Variants in DGKB observed in about 807,000 individuals in gnomAD.
DGKB encodes diacylglycerol kinase beta, also known as 90 kDa diacylglycerol kinase.
Under a neutral mutation model 114.3 loss-of-function variants are expected in DGKB, and 67 were observed. That is an observed-to-expected ratio of 0.59 (90% CI 0.48 to 0.72). The LOEUF is 0.72. Ranked by LOEUF, DGKB falls within the 30% of genes least tolerant of loss-of-function variation. The probability of loss-of-function intolerance (pLI) is 0.00; values close to 1 mark genes in which losing one functional copy is unlikely to be tolerated. For synonymous variants in DGKB, 398 were observed against 323.1 expected (o/e 1.23, Z -2.49); for missense variants, 907 against 975.2 (o/e 0.93, Z 0.93).
chr7:14,780,979 T>C (rs1289090023), intron 2 of DGKB, among the ~76,000 whole-genome samples: 1 of 152,190 alleles, frequency 6.6e-6, no homozygotes, highest in African/African-American at 2.4e-5. Context: ...TCAGATTCAT[T>C]TGTGTCACTT....
At chr7:14,919,722 T>G (rs1038553929) in intron 1 of DGKB, among the ~76,000 whole-genome samples, 7 of 152,164 alleles carry the variant, frequency 4.6e-5, no homozygotes, top group African/African-American at 1.7e-4. Context: ...AGGTGGGGCA[T>G]AGTGGAAAGT....
In DGKB at chr7:14,285,160, A is replaced by G. The variant is rs553228586; in HGVS notation, c.2122+53355T>C. On this transcript the variant is annotated intron_variant, in intron 23 of 25. Coordinates refer to ENST00000402815, the MANE Select transcript of DGKB (RefSeq NM_001350709.2). Reference sequence around the variant, plus strand: ...ATCAAAAATAACATGATTTACTCCTATTTCCTAATATATGCATCTCATTGA... The same window carrying G: ...ATCAAAAATAACATGATTTACTCCTGTTTCCTAATATATGCATCTCATTGA... Among the ~76,000 whole-genome samples the G allele has an allele frequency of 8.5e-5, 13 of 152,268 alleles. No individual in the cohort carries two copies. In the East Asian group the frequency reaches 1.5e-3, roughly 18 times the overall value.
At chr7:14,198,368 A>G (rs918491972) in intron 23 of DGKB, among the ~76,000 whole-genome samples, 23 of 152,008 alleles carry the variant, frequency 1.5e-4, no homozygotes, top group Non-Finnish European at 3.2e-4. Flanking sequence ...AGCTTTGTTG[A>G]GGCTGGCAGA....
At position 14,705,668 on chromosome 7, in the gene DGKB, C is replaced by G. The variant is rs539651666; in HGVS notation, c.467-3938G>C. 6.6e-4 allele frequency among the ~76,000 whole-genome samples: 100 copies of G among 150,504 alleles called. 1 individual carries two copies. Among genetic ancestry groups the G allele is most frequent in the African/African-American group, 2.3e-3 (93 of 41,080 alleles). On this transcript the variant is annotated intron_variant, in intron 6 of 25. Transcript: ENST00000402815. ...AGAGTGGGGGCCAATATTCAACATT[C>G]TTAAAGAAAAGAATTTTCAACCCAG...
At chr7:14,604,853 T>C (rs989661996) in intron 17 of DGKB, among the ~76,000 whole-genome samples, 1 of 152,148 alleles carries the variant, frequency 6.6e-6, no homozygotes, top group East Asian at 1.9e-4. Flanking sequence ...GCCTTTAGGA[T>C]AAACAAAGAC....
intron 1 of DGKB, among the ~76,000 whole-genome samples, chr7:14,926,325 C>T (rs772099722): frequency 3.9e-5 from 6 of 151,910 alleles, no homozygotes; most frequent in Non-Finnish European, 8.8e-5. Context: ...TTTCTTTTCT[C>T]ATTTAATTTG....
At chr7:14,249,746 G>A (rs959733261) in intron 23 of DGKB, among the ~76,000 whole-genome samples, 2 of 151,734 alleles carry the variant, frequency 1.3e-5, no homozygotes, top group African/African-American at 4.9e-5. Context: ...CTAATTAAAG[G>A]TTTGTAATTT....
At chr7:14,573,696 G>A (rs560338694) in intron 20 of DGKB, among the ~76,000 whole-genome samples, 3 of 152,082 alleles carry the variant, frequency 2.0e-5, no homozygotes, top group Non-Finnish European at 4.4e-5. Context: ...TTTACTCTGT[G>A]TAAGATTCTA....
At chr7:14,714,178 GA>G (rs1316072885) in intron 6 of DGKB, among the ~76,000 whole-genome samples, 1 of 151,854 alleles carries the variant, frequency 6.6e-6, no homozygotes, top group Non-Finnish European at 1.5e-5. Context: ...GAAGATTCAT[GA>G]TGCAGGGTAA....
At chr7:14,769,135 GAA>G (rs1836961735) in intron 2 of DGKB, among the ~76,000 whole-genome samples, 10 of 131,914 alleles carry the variant, frequency 7.6e-5, no homozygotes, top group Middle Eastern at 4.2e-3. Flanking sequence ...GAGAGAGAGA[GAA>G]AGAAAGAAAG....
intron 20 of DGKB, among the ~76,000 whole-genome samples, chr7:14,532,613 T>G (rs12667383): frequency 6.6e-6 from 1 of 151,388 alleles, no homozygotes; most frequent in Non-Finnish European, 1.5e-5. Context: ...TATATACATA[T>G]AGCAATAAAT....
intron 25 of DGKB, among the ~76,000 whole-genome samples, chr7:14,152,724 A>G (rs1219984843): frequency 6.6e-6 from 1 of 152,160 alleles, no homozygotes; most frequent in East Asian, 1.9e-4. Flanking sequence ...GAAACCAGTA[A>G]CAGAATCAAA....
At chr7:14,154,918 T>A (rs945399599) in intron 25 of DGKB, among the ~76,000 whole-genome samples, 3 of 151,354 alleles carry the variant, frequency 2.0e-5, no homozygotes, top group African/African-American at 4.8e-5. Flanking sequence ...TAAAAATCCC[T>A]CTGCAGGTGA....
At chr7:14,862,139 C>T (rs1384704279) in intron 1 of DGKB, among the ~76,000 whole-genome samples, 1 of 151,894 alleles carries the variant, frequency 6.6e-6, no homozygotes, top group African/African-American at 2.4e-5. Flanking sequence ...TCTTTCCCCC[C>T]CAGCTTCACC....
intron 25 of DGKB, among the ~76,000 whole-genome samples, chr7:14,152,930 A>C (rs371802640): frequency 6.6e-6 from 1 of 151,994 alleles, no homozygotes; most frequent in East Asian, 1.9e-4. Flanking sequence ...GGTGCCCCCT[A>C]TTTCATCCAC....
At chr7:14,792,091 C>T (rs1200826440) in intron 2 of DGKB, among the ~76,000 whole-genome samples, 2 of 151,946 alleles carry the variant, frequency 1.3e-5, no homozygotes, top group South Asian at 2.1e-4. Context: ...CCATGTGTGC[C>T]TAGGGATTTC....
At chr7:14,428,674 T>A (rs1053784521) in intron 21 of DGKB, among the ~76,000 whole-genome samples, 2 of 151,990 alleles carry the variant, frequency 1.3e-5, no homozygotes, top group African/African-American at 4.8e-5. Context: ...GTATCAGAGG[T>A]TTCCTCTAAT....
chr7:14,937,051 C>G (rs1048783778), intron 1 of DGKB, among the ~76,000 whole-genome samples: 1 of 148,452 alleles, frequency 6.7e-6, no homozygotes. Context: ...CACACACACA[C>G]ACACACACAC....
chr7:14,360,141 G>T (rs1389655235), intron 21 of DGKB, among the ~76,000 whole-genome samples: 1 of 152,010 alleles, frequency 6.6e-6, no homozygotes, highest in Non-Finnish European at 1.5e-5. Context: ...CCATAAAAAA[G>T]GATGAGTTCA....
Sources: gnomAD v4.1 joint callset for allele counts (sites outside exome capture counted in the v4.1 genomes callset) on GRCh38, gnomAD v4.1.1 for gene constraint, MANE v1.5 for transcripts, NCBI Gene and HGNC (gene_info 2026-07-23, HGNC 2026-07-21) for gene names.